Variants in CFTR observed in about 807,000 individuals in gnomAD.
The protein encoded by CFTR is cystic fibrosis transmembrane conductance regulator.
In CFTR, 181 loss-of-function variants were observed where a neutral mutation model predicts 171.6. The ratio of observed to expected loss-of-function variants is 1.05; its 90% CI spans 0.93 to 1.19. CFTR has a LOEUF of 1.19. Among genes scored for constraint, CFTR ranks in the 50% most tolerant of loss-of-function variants. The probability of loss-of-function intolerance (pLI) is 0.00; values close to 1 mark genes in which losing one functional copy is unlikely to be tolerated. For synonymous variants in CFTR, 583 were observed against 608.0 expected (o/e 0.96, Z 0.60); for missense variants, 1,968 against 1,734.7 (o/e 1.13, Z -2.39).
chr7:117,533,961 C>CAAAACAA (rs1397583279), intron 4 of CFTR, among the ~76,000 whole-genome samples: 1 of 151,930 alleles, frequency 6.6e-6, no homozygotes, highest in East Asian at 1.9e-4. Context: ...TCTTTTAAAA[C>CAAAACAA]AAAACAAAAA....
chr7:117,663,463 G>T (rs1403652251), intron 24 of CFTR, among the ~76,000 whole-genome samples: 1 of 149,892 alleles, frequency 6.7e-6, no homozygotes, highest in Non-Finnish European at 1.5e-5. Context: ...AGTATCATCT[G>T]CAATATACTT....
intron 18 of CFTR, among the ~76,000 whole-genome samples, chr7:117,609,114 C>T (rs1457669354): frequency 6.6e-6 from 1 of 152,118 alleles, no homozygotes; most frequent in Non-Finnish European, 1.5e-5. Context: ...CTGTTCTTTG[C>T]TTCTTTGAGT....
chr7:117,637,679 C>G (rs1392397594), intron 22 of CFTR, among the ~76,000 whole-genome samples: 1 of 152,080 alleles, frequency 6.6e-6, no homozygotes, highest in Admixed American at 6.5e-5. Flanking sequence ...GAGTTCGAGA[C>G]CAGCCTGGCC....
At chr7:117,642,708 GCTGT>G (rs1792939880) in intron 23 of CFTR, 115 bp downstream of exon 23, 1 of 1,156,800 alleles carries the variant, frequency 8.6e-7, no homozygotes, top group East Asian at 2.6e-5. Flanking sequence ...GTTATGCATT[GCTGT>G]CTTTTTTCTC....
intron 21 of CFTR, among the ~76,000 whole-genome samples, chr7:117,625,380 A>G (rs907468778): frequency 6.6e-6 from 1 of 152,198 alleles, no homozygotes; most frequent in African/African-American, 2.4e-5. Flanking sequence ...CTAATGGAGA[A>G]TGTAATTTGC....
intron 17 of CFTR, chr7:117,604,772 T>G (rs1286703478): frequency 6.6e-6 from 1 of 152,208 alleles, no homozygotes; most frequent in Non-Finnish European, 1.5e-5. Context: ...GCTAAGAATT[T>G]TAGACTCAAG....
At chr7:117,489,166 A>C (rs545268641) in intron 1 of CFTR, among the ~76,000 whole-genome samples, 1 of 152,216 alleles carries the variant, frequency 6.6e-6, no homozygotes, top group South Asian at 2.1e-4. Flanking sequence ...CCTTGAAATT[A>C]TACTGCCTGT....
At position 117,652,845 on chromosome 7, in the gene CFTR, G is replaced by C. The variant is rs769931559; in HGVS notation, c.3877G>C (p.Val1293Leu). Reference protein sequence around the residue: ...RKAFGVIPQKVFIFSGTFRKN... With the variant: ...RKAFGVIPQKLFIFSGTFRKN... ...CTTCTTTTCTTTTTTGCTATAGAAA[G>C]TATTTATTTTTTCTGGAACATTTAG... Residue 1293 changes from valine to leucine, a missense_variant, in exon 24 of 27, where the codon GTA (valine) becomes CTA (leucine). Physicochemically the swap from Val to Leu is conservative, Grantham distance 32. Transcript: ENST00000003084. 6.9e-7 allele frequency: 1 copy of C among 1,443,748 alleles called. No individual in the cohort carries two copies. Among genetic ancestry groups the C allele is most frequent in the Admixed American group, 1.7e-5 (1 of 59,270 alleles). 89.4% of individuals were successfully genotyped at this position (1,443,748 alleles called of 1,614,324 possible). A position where few individuals can be genotyped will look rare whatever the true frequency, so the allele number is the denominator to read the frequency against.
rs550884157 is a variant in CFTR at position 117,529,598 on chromosome 7, A to G, written c.274-1301A>G. On this transcript the variant is annotated intron_variant, in intron 3 of 26. Transcript: ENST00000003084. Reference sequence around the variant, plus strand: ...GTTAATTAAAAATAAAACATTGTATATAAAGCACAGAATGAGCAGCTACAC... The same window carrying G: ...GTTAATTAAAAATAAAACATTGTATGTAAAGCACAGAATGAGCAGCTACAC... Among the ~76,000 whole-genome samples, 5 of 152,098 alleles carry G rather than the reference A, an allele frequency of 3.3e-5. No homozygotes were observed. In the East Asian group the frequency reaches 5.8e-4, roughly 18 times the overall value.
chr7:117,490,066 A>G (rs1036200793), intron 1 of CFTR, among the ~76,000 whole-genome samples: 2 of 151,884 alleles, frequency 1.3e-5, no homozygotes, highest in Admixed American at 1.3e-4. Context: ...ACTGTCAGGT[A>G]GCAATATATG....
chr7:117,531,243 A>T, intron 4 of CFTR, 129 bp downstream of exon 4: 1 of 689,732 alleles, frequency 1.4e-6, no homozygotes, highest in Admixed American at 2.4e-5. Context: ...ATGCCTATTA[A>T]ATAAATGGCA....
chr7:117,600,091 A>C (rs1297592329), intron 15 of CFTR, among the ~76,000 whole-genome samples: 1 of 151,990 alleles, frequency 6.6e-6, no homozygotes, highest in Non-Finnish European at 1.5e-5. Context: ...GCAATATGAA[A>C]TATGTAGTCT....
At chr7:117,530,873 AT>A in intron 3 of CFTR, 25 bp from the exon 4 acceptor site, 1 of 1,445,050 alleles carries the variant, frequency 6.9e-7, no homozygotes, top group South Asian at 1.1e-5. Flanking sequence ...ATGAAATTTA[AT>A]TTCTCTGTTT....
At chr7:117,559,730 A>T (rs542608854) in intron 11 of CFTR, 75 bp downstream of exon 11, 4 of 1,005,634 alleles carry the variant, frequency 4.0e-6, no homozygotes, top group Admixed American at 3.7e-5. Flanking sequence ...ATTTGGCTCC[A>T]TATTCAATCG....
At chr7:117,499,208 A>G (rs766309310) in intron 1 of CFTR, among the ~76,000 whole-genome samples, 2 of 152,146 alleles carry the variant, frequency 1.3e-5, no homozygotes, top group Non-Finnish European at 2.9e-5. Context: ...GTTTTGGCAG[A>G]TGAAAATGTC....
At chr7:117,581,665 G>C (rs1463793835) in intron 11 of CFTR, among the ~76,000 whole-genome samples, 3 of 152,200 alleles carry the variant, frequency 2.0e-5, no homozygotes, top group Non-Finnish European at 1.5e-5. Flanking sequence ...TCCAGTAATG[G>C]AGACAGGGCT....
intron 22 of CFTR, among the ~76,000 whole-genome samples, chr7:117,637,790 C>T (rs1012003708): frequency 6.6e-6 from 1 of 152,012 alleles, no homozygotes. Context: ...GGCAGGAGAA[C>T]TGCTTGAACC....
intron 11 of CFTR, among the ~76,000 whole-genome samples, chr7:117,569,404 G>T (rs1018076569): frequency 6.6e-6 from 1 of 152,076 alleles, no homozygotes; most frequent in Non-Finnish European, 1.5e-5. Flanking sequence ...TTGGATCAAG[G>T]TCCTTAATCT....
Position 117,667,068 on chromosome 7 carries a change from A to G in CFTR, c.4403A>G (p.Lys1468Arg). The G allele has an allele frequency of 6.2e-7, 1 of 1,614,010 alleles. No individual in the cohort carries two copies. Among genetic ancestry groups the G allele is most frequent in the Non-Finnish European group, 8.5e-7 (1 of 1,179,956 alleles). Residue 1468 changes from lysine (K) to arginine (R), a missense_variant, in exon 27 of 27, where the codon AAA becomes AGA. Transcript: ENST00000003084. The stretch of plus-strand genomic sequence containing the variant: ...TCTAAGCCCCAGATTGCTGCTCTGA[A>G]AGAGGAGACAGAAGAAGAGGTGCAA... ...CKSKPQIAAL[K>R]EETEEEVQDT... is the part of the protein sequence containing the mutation.
Sources: gnomAD v4.1 joint callset for allele counts (sites outside exome capture counted in the v4.1 genomes callset) on GRCh38, gnomAD v4.1.1 for gene constraint, MANE v1.5 for transcripts, NCBI Gene and HGNC (gene_info 2026-07-23, HGNC 2026-07-21) for gene names.